The following ZNF366 variants were observed in gnomAD, a reference collection of about 807,000 sequenced individuals.
ZNF366 encodes the protein dendritic cell-specific transcript protein.
In ZNF366, 20 loss-of-function variants were observed where a neutral mutation model predicts 47.2. The observed-to-expected ratio is 0.42, with a 90% confidence interval of 0.30 to 0.62. The LOEUF (loss-of-function observed/expected upper bound fraction) is 0.62, where lower values mean the gene tolerates loss of function less well. Ranked by LOEUF, ZNF366 falls within the 20% of genes least tolerant of loss-of-function variation. The pLI is 0.16. For missense variants in ZNF366, 987 were observed against 976.3 expected, an observed-to-expected ratio of 1.01 and a Z score of -0.15; for synonymous variants, 421 against 395.1, an observed-to-expected ratio of 1.07 and a Z score of -0.78.
At chr5:72,500,031 ACT>A (rs1744183761) in intron 1 of ZNF366, among the ~76,000 whole-genome samples, 1 of 151,932 alleles carries the variant, frequency 6.6e-6, no homozygotes. Flanking sequence ...TGCAAAGGAA[ACT>A]CTAAGGATTC....
intron 1 of ZNF366, among the ~76,000 whole-genome samples, chr5:72,506,693 A>T (rs1744323958): frequency 1.3e-5 from 2 of 152,214 alleles, no homozygotes; most frequent in Admixed American, 6.5e-5. Context: ...AGCTCCCCAC[A>T]TGCAGAACTA....
At chr5:72,505,215 G>C (rs148575780) in intron 1 of ZNF366, among the ~76,000 whole-genome samples, 1 of 152,090 alleles carries the variant, frequency 6.6e-6, no homozygotes, top group Non-Finnish European at 1.5e-5. Flanking sequence ...TCACACACTG[G>C]AAGTTTCCAC....
At chr5:72,466,795 A>G (rs1029396339) in intron 1 of ZNF366, among the ~76,000 whole-genome samples, 3 of 152,236 alleles carry the variant, frequency 2.0e-5, no homozygotes, top group Non-Finnish European at 2.9e-5. Context: ...GGTAGTTATG[A>G]AAAGAACTTG....
In ZNF366 at chr5:72,443,570, G is replaced by A. The variant is rs1483055348; in HGVS notation, c.*186C>T. On this transcript the variant is annotated 3_prime_UTR_variant, in exon 5 of 5. Transcript: ENST00000318442. ...GATGAAGACCCTGCACATGTGTGAA[G>A]GGTATCAAGGGCCCCGTGAATGACC... 6.4e-6 allele frequency: 4 copies of A among 626,574 alleles called. No homozygotes were observed. Among genetic ancestry groups the A allele is most frequent in the Non-Finnish European group, 1.1e-5 (4 of 366,110 alleles). The allele number at this position is 626,574 out of a possible 1,614,324, so 38.8% of individuals were successfully genotyped here. A position where few individuals can be genotyped will look rare whatever the true frequency, so the allele number is the denominator to read the frequency against.
In ZNF366 at chr5:72,442,382, C is replaced by A. The variant is rs1468793026; in HGVS notation, c.*1374G>T. The A allele has an allele frequency of 1.3e-5, 2 of 152,174 alleles. No individual in the cohort carries two copies. Among genetic ancestry groups the A allele is most frequent in the African/African-American group, 2.4e-5 (1 of 41,438 alleles). The allele number at this position is 152,174 out of a possible 1,614,324, so 9.4% of individuals were successfully genotyped here. A position where few individuals can be genotyped will look rare whatever the true frequency, so the allele number is the denominator to read the frequency against. The stretch of plus-strand genomic sequence containing the variant: ...GGAAAATTTCAGTCCTAGGGCTCCA[C>A]TCCAGATCAATTAAATCAGAATCTT... On this transcript the variant is annotated 3_prime_UTR_variant, in exon 5 of 5. Coordinates refer to ENST00000318442, the MANE Select transcript of ZNF366 (RefSeq NM_152625.3).
At chr5:72,457,309 T>C (rs11749683) in intron 2 of ZNF366, among the ~76,000 whole-genome samples, 36,060 of 152,064 alleles carry the variant, frequency 0.24, 4,516 homozygotes, top group East Asian at 0.44. Context: ...ACCAAGGCCC[T>C]TAATTGAGAG....
rs969048192 is a variant in ZNF366, at chr5:72,440,113, T to C, written c.*3643A>G. 6.6e-6 allele frequency: 1 copy of C among 152,224 alleles called. No homozygotes were observed. The highest frequency in any genetic ancestry group is 2.4e-5 in the African/African-American group (1 of 41,460). 9.4% of individuals were successfully genotyped at this position (152,224 alleles called of 1,614,324 possible). A position where few individuals can be genotyped will look rare whatever the true frequency, so the allele number is the denominator to read the frequency against. ...CCAAATATGCGAAGGATTTCAAACGTTAGCTCTGTTATATTTTGTTCCAGC... is the reference window on the plus strand; with the variant it reads ...CCAAATATGCGAAGGATTTCAAACGCTAGCTCTGTTATATTTTGTTCCAGC... On this transcript the variant is annotated 3_prime_UTR_variant, in exon 5 of 5. Transcript: ENST00000318442.
intron 3 of ZNF366, 44 bp downstream of exon 3, chr5:72,456,360 G>A: frequency 1.3e-6 from 2 of 1,546,062 alleles, no homozygotes; most frequent in Non-Finnish European, 1.8e-6. Flanking sequence ...TTCCCATCAG[G>A]CATTTGCACA....
chr5:72,468,518 AAAGTC>A (rs1743481328), intron 1 of ZNF366, among the ~76,000 whole-genome samples: 1 of 152,224 alleles, frequency 6.6e-6, no homozygotes, highest in Non-Finnish European at 1.5e-5. Flanking sequence ...GACATAATAT[AAAGTC>A]AAGTTTAGTT....
At chr5:72,486,336 C>T (rs906842282) in intron 1 of ZNF366, among the ~76,000 whole-genome samples, 20 of 152,306 alleles carry the variant, frequency 1.3e-4, no homozygotes, top group African/African-American at 4.8e-4. Flanking sequence ...TCAGCTCTAC[C>T]TTGGTGCTAG....
At chr5:72,471,503 G>A (rs542134642) in intron 1 of ZNF366, among the ~76,000 whole-genome samples, 1 of 152,224 alleles carries the variant, frequency 6.6e-6, no homozygotes, top group East Asian at 1.9e-4. Context: ...CTGTCTCTGG[G>A]GAAAAGGACT....
chr5:72,452,720 G>T (rs1743099335), intron 3 of ZNF366, among the ~76,000 whole-genome samples: 3 of 152,252 alleles, frequency 2.0e-5, no homozygotes. Context: ...AACTTAGGCA[G>T]CTGCCGGCTT....
At chr5:72,452,389 T>C (rs1226277752) in intron 3 of ZNF366, among the ~76,000 whole-genome samples, 2 of 152,184 alleles carry the variant, frequency 1.3e-5, no homozygotes, top group African/African-American at 4.8e-5. Flanking sequence ...ATGTGAGGCA[T>C]TGTTAAGCAG....
intron 3 of ZNF366, among the ~76,000 whole-genome samples, chr5:72,447,650 TC>T (rs1383230107): frequency 6.6e-6 from 1 of 152,190 alleles, no homozygotes; most frequent in Non-Finnish European, 1.5e-5. Context: ...AGTAAAAATA[TC>T]AAAGCTTGTA....
Position 72,443,584 on chromosome 5 carries a change from C to T in ZNF366, c.*172G>A. On this transcript the variant is annotated 3_prime_UTR_variant, in exon 5 of 5. Transcript: ENST00000318442. ...ACATGTGTGAAGGGTATCAAGGGCC[C>T]CGTGAATGACCTGAGAAGGCTTTCC... The T allele has an allele frequency of 1.4e-6, 1 of 694,508 alleles. No individual in the cohort carries two copies. Among genetic ancestry groups the T allele is most frequent in the East Asian group, 2.7e-5 (1 of 36,566 alleles). The allele number at this position is 694,508 out of a possible 1,614,324, so 43.0% of individuals were successfully genotyped here.
chr5:72,453,482 C>T (rs376732240), intron 3 of ZNF366, among the ~76,000 whole-genome samples: 48 of 152,346 alleles, frequency 3.2e-4, no homozygotes, highest in African/African-American at 1.1e-3. Flanking sequence ...CCCTCCATCC[C>T]TCTGTCAACT....
intron 1 of ZNF366, among the ~76,000 whole-genome samples, chr5:72,479,430 AAAAAAG>A (rs1187661119): frequency 3.9e-5 from 6 of 152,102 alleles, no homozygotes; most frequent in African/African-American, 1.4e-4. Flanking sequence ...TTAAAAATTA[AAAAAAG>A]AAAAATAAAA....
At position 72,460,998 on chromosome 5, in the gene ZNF366, T is replaced by A. The variant is rs141302107; in HGVS notation, c.499A>T (p.Thr167Ser). The A allele has an allele frequency of 1.9e-6, 3 of 1,613,140 alleles. No individual in the cohort carries two copies. The highest frequency in any genetic ancestry group is 2.7e-5 in the African/African-American group (2 of 74,596). The change falls in exon 2 of 5, where the codon ACT becomes TCT. Residue 167 changes from threonine to serine, a missense_variant. Physicochemically the swap from Thr to Ser is moderately conservative, Grantham distance 58 (BLOSUM62 1). Around this residue, in one of 3 missense-constraint regions of ZNF366, gnomAD observed 591 missense variants for 560.9 expected, o/e 1.05. Coordinates refer to ENST00000318442, the MANE Select transcript of ZNF366 (RefSeq NM_152625.3). ...GGGTAGGGCGTGGGCAGGAATGGAG[T>A]GGGCGTTGGCTGGGGCCACACGGCG... is the stretch of plus-strand genomic sequence containing the variant. ...PSAVWPQPTP[T>S]PFLPTPYPYY... is the part of the protein sequence containing the mutation.
chr5:72,487,180 CG>C (rs1743908164), intron 1 of ZNF366, among the ~76,000 whole-genome samples: 1 of 152,180 alleles, frequency 6.6e-6, no homozygotes, highest in Non-Finnish European at 1.5e-5. Flanking sequence ...ATAATGCTAC[CG>C]GAGAGTTTCC....
Sources: allele counts gnomAD v4.1 joint callset (sites outside exome capture counted in the v4.1 genomes callset), GRCh38; gene constraint gnomAD v4.1.1; regional missense constraint gnomAD v4.1.1; transcripts MANE v1.5; gene names NCBI Gene and HGNC (gene_info 2026-07-23, HGNC 2026-07-21).